CENPO: variants seen among roughly 807,000 people sequenced by gnomAD.
The protein encoded by CENPO is centromeric protein O.
In CENPO, 30 loss-of-function variants were observed where a neutral mutation model predicts 36.1. The observed-to-expected ratio is 0.83, with a 90% confidence interval of 0.62 to 1.13. The LOEUF is 1.13. Among genes scored for constraint, CENPO ranks in the 50% most tolerant of loss-of-function variants. The pLI, the probability that CENPO is intolerant of heterozygous loss-of-function variation, is 0.00. For synonymous variants in CENPO, 171 were observed against 142.3 expected (o/e 1.20, Z -1.44); for missense variants, 349 against 357.8 (o/e 0.98, Z 0.20).
At chr2:24,806,551 C>CTAAGTT (rs907373200) in intron 3 of CENPO, among the ~76,000 whole-genome samples, 14 of 152,194 alleles carry the variant, frequency 9.2e-5, no homozygotes, top group African/African-American at 3.4e-4. Flanking sequence ...TAATAAACAC[C>CTAAGTT]TAAGTTTGTT....
Position 24,817,787 on chromosome 2 carries a change from A to G in CENPO, c.884A>G (p.Asp295Gly), listed in dbSNP as rs35707695. Reference sequence around the variant, plus strand: ...TTTACAAGAAAAGGAGAAAAGTTGGATATGAGTCTGGTCTCCTAATAGATT... The same window carrying G: ...TTTACAAGAAAAGGAGAAAAGTTGGGTATGAGTCTGGTCTCCTAATAGATT... ...ASFTRKGEKL[D>G]MSLVS The change falls in exon 7 of 8, where the codon GAT (aspartate) becomes GGT (glycine). Residue 295 changes from aspartate (D) to glycine (G), a missense_variant. Coordinates refer to ENST00000380834, the MANE Select transcript of CENPO (RefSeq NM_001322101.2). 6.2e-7 allele frequency: 1 copy of G among 1,614,182 alleles called. No homozygotes were observed. The highest frequency in any genetic ancestry group is 1.1e-5 in the South Asian group (1 of 91,080).
At chr2:24,794,350 T>C (rs1264386901) in intron 2 of CENPO, among the ~76,000 whole-genome samples, 1 of 152,212 alleles carries the variant, frequency 6.6e-6, no homozygotes, top group East Asian at 1.9e-4. Context: ...GAGTGTTGGC[T>C]CTGCCATGAT....
chr2:24,793,974 AG>A lies in CENPO; in HGVS notation c.46+12del. 1 of 1,603,028 alleles carries A rather than the reference AG, an allele frequency of 6.2e-7. No individual in the cohort carries two copies. Among genetic ancestry groups the A allele is most frequent in the Non-Finnish European group, 8.5e-7 (1 of 1,169,840 alleles). Reference sequence around the variant, plus strand: ...TGGCGAGTCCAAAGGAGGTATTCAGAGGGTCGCCGCCTCCTTCCTGCTGCTG... The same window carrying A: ...TGGCGAGTCCAAAGGAGGTATTCAGAGGTCGCCGCCTCCTTCCTGCTGCTG... On this transcript the variant is annotated intron_variant, in intron 2 of 7. Coordinates refer to ENST00000380834, the MANE Select transcript of CENPO (RefSeq NM_001322101.2).
chr2:24,812,415 T>C (rs1666735974), intron 3 of CENPO, among the ~76,000 whole-genome samples: 1 of 152,132 alleles, frequency 6.6e-6, no homozygotes, highest in Admixed American at 6.5e-5. Context: ...TTTTATCCTG[T>C]TTGGTGCTTG....
intron 3 of CENPO, among the ~76,000 whole-genome samples, chr2:24,812,255 G>A (rs1469565646): frequency 2.0e-5 from 3 of 152,136 alleles, no homozygotes; most frequent in Admixed American, 6.5e-5. Flanking sequence ...TAGGGCCATA[G>A]TATCTTGTCA....
intron 5 of CENPO, 32 bp from the exon 6 acceptor site, chr2:24,816,611 ATCC>A (rs1471510590): frequency 2.6e-6 from 4 of 1,516,762 alleles, no homozygotes; most frequent in Non-Finnish European, 3.5e-6. Context: ...AACTGCAGTC[ATCC>A]TCTACTTCGT....
At chr2:24,803,222 C>T (rs1003035513) in intron 3 of CENPO, among the ~76,000 whole-genome samples, 2 of 150,640 alleles carry the variant, frequency 1.3e-5, no homozygotes, top group Non-Finnish European at 3.0e-5. Flanking sequence ...TCTCTCTTTT[C>T]TTCTTTATTA....
Position 24,820,682 on chromosome 2 carries a change from A to G in CENPO, c.*1364A>G, listed in dbSNP as rs1413537909. ...AAAGCACTGTTCCGGTTTTGTTCTC[A>G]TGCCGAGTCTGAGCACGTGCCAGCT... On this transcript the variant is annotated 3_prime_UTR_variant, in exon 8 of 8. Transcript: ENST00000380834. 5.0e-6 allele frequency: 8 copies of G among 1,611,752 alleles called. No homozygotes were observed. In the Admixed American group the frequency reaches 5.0e-5, roughly 10 times the overall value.
chr2:24,820,388 A>C lies in CENPO; in HGVS notation c.*1070A>C, dbSNP rs1343511578. Reference sequence around the variant, plus strand: ...CCTGGGTGGCAGCACTGTTACCTGGAAACTGCCACTGCCTGCTCTTCTGTC... The same window carrying C: ...CCTGGGTGGCAGCACTGTTACCTGGCAACTGCCACTGCCTGCTCTTCTGTC... On this transcript the variant is annotated 3_prime_UTR_variant, in exon 8 of 8. Coordinates refer to ENST00000380834, the MANE Select transcript of CENPO (RefSeq NM_001322101.2). 2.3e-6 allele frequency: 3 copies of C among 1,313,804 alleles called. No homozygotes were observed. Among genetic ancestry groups the C allele is most frequent in the African/African-American group, 1.5e-5 (1 of 66,010 alleles). 81.4% of individuals were successfully genotyped at this position (1,313,804 alleles called of 1,614,324 possible). A position where few individuals can be genotyped will look rare whatever the true frequency, so the allele number is the denominator to read the frequency against.
chr2:24,806,088 T>C (rs776826641), intron 3 of CENPO, among the ~76,000 whole-genome samples: 1 of 152,236 alleles, frequency 6.6e-6, no homozygotes, highest in Admixed American at 6.5e-5. Flanking sequence ...GTGCTAGCAA[T>C]GAGCAGGCTC....
chr2:24,822,354 A>G lies in CENPO; in HGVS notation c.*3036A>G, dbSNP rs1667898098. 2 of 1,104,264 alleles carry G rather than the reference A, an allele frequency of 1.8e-6. No individual in the cohort carries two copies. Among genetic ancestry groups the G allele is most frequent in the Admixed American group, 2.3e-5 (1 of 43,418 alleles). 68.4% of individuals were successfully genotyped at this position (1,104,264 alleles called of 1,614,324 possible). A position where few individuals can be genotyped will look rare whatever the true frequency, so the allele number is the denominator to read the frequency against. ...TTTCTCTGCTTGCCGAACTTTCTCAATAAACCCTATTTCTTATTTATATTT... is the reference window on the plus strand; with the variant it reads ...TTTCTCTGCTTGCCGAACTTTCTCAGTAAACCCTATTTCTTATTTATATTT... On this transcript the variant is annotated 3_prime_UTR_variant, in exon 8 of 8. Coordinates refer to ENST00000380834, the MANE Select transcript of CENPO (RefSeq NM_001322101.2).
intron 3 of CENPO, among the ~76,000 whole-genome samples, chr2:24,802,761 T>A (rs1044183215): frequency 2.8e-4 from 42 of 152,230 alleles, no homozygotes; most frequent in Admixed American, 2.1e-3. Context: ...TGCATCGACG[T>A]TCATCAGGGA....
chr2:24,802,575 A>G (rs377076540), intron 3 of CENPO, among the ~76,000 whole-genome samples: 2 of 152,172 alleles, frequency 1.3e-5, no homozygotes, highest in Non-Finnish European at 2.9e-5. Context: ...TTCTGCATCT[A>G]TCGAGATAAT....
At chr2:24,818,958 C>T (rs1667118727) in intron 7 of CENPO, among the ~76,000 whole-genome samples, 1 of 152,230 alleles carries the variant, frequency 6.6e-6, no homozygotes, top group Non-Finnish European at 1.5e-5. Context: ...AGGAACAGTG[C>T]AGGGGATTAA....
intron 3 of CENPO, among the ~76,000 whole-genome samples, chr2:24,805,069 ATTCAT>A (rs1666331746): frequency 6.6e-6 from 1 of 151,756 alleles, no homozygotes; most frequent in Non-Finnish European, 1.5e-5. Context: ...GCTTCATTTC[ATTCAT>A]TTCATCTTCC....
intron 7 of CENPO, chr2:24,819,139 A>AAGTG (rs1359973524): frequency 2.2e-4 from 33 of 152,768 alleles, no homozygotes; most frequent in African/African-American, 7.0e-4. Flanking sequence ...CTCCTCAGAT[A>AAGTG]AGTGATATTA....
In CENPO at chr2:24,821,051, C is replaced by A. The variant is rs562617864; in HGVS notation, c.*1733C>A. On this transcript the variant is annotated 3_prime_UTR_variant, in exon 8 of 8. Transcript: ENST00000380834. ...GCTTGTTAGGTGTCAGCCGCCACCC[C>A]CCCCCCATATGCAGATTTACTCGGC... 778 of 659,186 alleles carry A rather than the reference C, an allele frequency of 1.2e-3. 1 individual carries two copies. The highest frequency in any genetic ancestry group is 7.3e-3 in the Middle Eastern group (17 of 2,332). 40.8% of individuals were successfully genotyped at this position (659,186 alleles called of 1,614,324 possible). A position where few individuals can be genotyped will look rare whatever the true frequency, so the allele number is the denominator to read the frequency against.
rs1666950203 is a variant in CENPO, at chr2:24,816,663, C to T, written c.612C>T (p.Leu204=). The change falls in exon 6 of 8, where the codon CTC becomes CTT. Residue 204 remains leucine, a synonymous_variant. Coordinates refer to ENST00000380834, the MANE Select transcript of CENPO (RefSeq NM_001322101.2). Reference sequence around the variant, plus strand: ...CCTCTTAGAGTGACTTTGCAGCCCTCCTGACTGGGCCCTTGCAGAGAAACC... The same window carrying T: ...CCTCTTAGAGTGACTTTGCAGCCCTTCTGACTGGGCCCTTGCAGAGAAACC... ...ADRLQSDFAA[L]LTGPLQRNPL... 2 of 1,609,552 alleles carry T rather than the reference C, an allele frequency of 1.2e-6. No homozygotes were observed. The highest frequency in any genetic ancestry group is 1.3e-5 in the African/African-American group (1 of 74,914).
chr2:24,817,898 A>ATGTACCCTT, intron 7 of CENPO, 57 bp downstream of exon 7: 6 of 1,401,806 alleles, frequency 4.3e-6, no homozygotes, highest in African/African-American at 1.4e-5. Flanking sequence ...GATGAAGGGT[A>ATGTACCCTT]CATCACCCTT....
Sources: gnomAD v4.1 joint callset for allele counts (sites outside exome capture counted in the v4.1 genomes callset) on GRCh38, gnomAD v4.1.1 for gene constraint, MANE v1.5 for transcripts, NCBI Gene and HGNC (gene_info 2026-07-23, HGNC 2026-07-21) for gene names.